Variants in TAOK3 observed in about 807,000 individuals in gnomAD.
The protein encoded by TAOK3 is TAO kinase 3, also known as serine/threonine-protein kinase TAO3.
A neutral mutation model predicts 120.4 loss-of-function variants in TAOK3; 40 were observed. The ratio of observed to expected loss-of-function variants is 0.33; its 90% CI spans 0.26 to 0.43. The LOEUF (loss-of-function observed/expected upper bound fraction) is 0.43, where lower values mean the gene tolerates loss of function less well. TAOK3 is among the 20% of genes least tolerant of loss of function. The pLI, the probability that TAOK3 is intolerant of heterozygous loss-of-function variation, is 1.00. For synonymous variants in TAOK3, 355 were observed against 387.5 expected, an observed-to-expected ratio of 0.92 and a Z score of 0.99; for missense variants, 821 against 1,112.1, an observed-to-expected ratio of 0.74 and a Z score of 3.72.
intron 17 of TAOK3, among the ~76,000 whole-genome samples, chr12:118,170,589 C>T (rs1204490309): frequency 6.6e-6 from 1 of 152,112 alleles, no homozygotes; most frequent in Non-Finnish European, 1.5e-5. Flanking sequence ...TGGTAAAACC[C>T]CCACCTCTAC....
intron 1 of TAOK3, among the ~76,000 whole-genome samples, chr12:118,329,658 A>C (rs944449873): frequency 1.3e-5 from 2 of 152,110 alleles, no homozygotes; most frequent in Admixed American, 6.6e-5. Context: ...TTTTTCTAGG[A>C]AGGTCATTCT....
intron 1 of TAOK3, among the ~76,000 whole-genome samples, chr12:118,334,518 G>C (rs1432220682): frequency 6.6e-6 from 1 of 152,168 alleles, no homozygotes; most frequent in East Asian, 1.9e-4. Context: ...ATATGAGTAA[G>C]TTCTAGAGAT....
chr12:118,210,655 A>G (rs572234833), intron 11 of TAOK3, among the ~76,000 whole-genome samples: 220 of 152,134 alleles, frequency 1.4e-3, no homozygotes, highest in Non-Finnish European at 2.7e-3. Context: ...GCACCTGTCA[A>G]TCTTGATGCT....
intron 2 of TAOK3, among the ~76,000 whole-genome samples, chr12:118,263,679 A>C (rs1282883391): frequency 1.3e-5 from 2 of 152,180 alleles, no homozygotes; most frequent in Non-Finnish European, 2.9e-5. Context: ...TTAATGGACA[A>C]AAGATTTGAA....
At chr12:118,272,913 C>A (rs1213660536) in intron 1 of TAOK3, among the ~76,000 whole-genome samples, 2 of 151,784 alleles carry the variant, frequency 1.3e-5, no homozygotes, top group African/African-American at 4.8e-5. Flanking sequence ...GAAGCTGAGG[C>A]TATAGTGAGC....
At chr12:118,159,185 G>A (rs982770120) in intron 19 of TAOK3, among the ~76,000 whole-genome samples, 1 of 152,084 alleles carries the variant, frequency 6.6e-6, no homozygotes, top group African/African-American at 2.4e-5. Flanking sequence ...CAGTTTCAAG[G>A]AATCGGTTTA....
At chr12:118,151,285 G>GCACA (rs1555282496) in intron 20 of TAOK3, 127 bp from the exon 21 acceptor site, 10 of 612,520 alleles carry the variant, frequency 1.6e-5, no homozygotes, top group Middle Eastern at 4.2e-4. Flanking sequence ...AAGTGCGCGC[G>GCACA]CGCGCACACA....
chr12:118,317,447 T>C (rs1432433548), intron 1 of TAOK3, among the ~76,000 whole-genome samples: 2 of 151,726 alleles, frequency 1.3e-5, no homozygotes, highest in Non-Finnish European at 2.9e-5. Flanking sequence ...TACAGGCGCC[T>C]GCCACCACGC....
At chr12:118,250,306 A>G (rs868644905) in intron 3 of TAOK3, among the ~76,000 whole-genome samples, 6 of 152,158 alleles carry the variant, frequency 3.9e-5, no homozygotes, top group Admixed American at 1.3e-4. Flanking sequence ...AAACACACAG[A>G]AATACTTCAT....
intron 1 of TAOK3, among the ~76,000 whole-genome samples, chr12:118,351,455 T>C (rs570871147): frequency 6.6e-5 from 10 of 152,358 alleles, no homozygotes; most frequent in Admixed American, 4.6e-4. Context: ...GAGTATGGTG[T>C]TACTGGCTGC....
chr12:118,195,102 A>G (rs377359567), intron 13 of TAOK3, among the ~76,000 whole-genome samples: 2 of 152,102 alleles, frequency 1.3e-5, no homozygotes, highest in East Asian at 3.9e-4. Context: ...GTTTTATAGA[A>G]TGAAGTGTTG....
chr12:118,301,258 C>G (rs2042870738), intron 1 of TAOK3, among the ~76,000 whole-genome samples: 1 of 152,066 alleles, frequency 6.6e-6, no homozygotes, highest in South Asian at 2.1e-4. Context: ...CACTGTCAAG[C>G]AAAGCTCCAT....
At chr12:118,355,175 C>T (rs1386774548) in intron 1 of TAOK3, among the ~76,000 whole-genome samples, 2 of 152,118 alleles carry the variant, frequency 1.3e-5, no homozygotes, top group Admixed American at 6.6e-5. Context: ...GAAAGCAAGA[C>T]AGGATAAGAG....
At chr12:118,230,781 T>G (rs1320111909) in intron 9 of TAOK3, among the ~76,000 whole-genome samples, 2 of 152,128 alleles carry the variant, frequency 1.3e-5, no homozygotes, top group African/African-American at 4.8e-5. Context: ...CCTTGTGAAC[T>G]TTTACGTAGT....
intron 9 of TAOK3, among the ~76,000 whole-genome samples, chr12:118,225,810 C>T (rs1406043076): frequency 2.0e-5 from 3 of 152,186 alleles, no homozygotes; most frequent in South Asian, 4.1e-4. Flanking sequence ...TGTTCATATA[C>T]ATTGATTAAT....
intron 11 of TAOK3, among the ~76,000 whole-genome samples, chr12:118,208,424 G>A (rs2038447334): frequency 6.6e-6 from 1 of 151,210 alleles, no homozygotes; most frequent in Non-Finnish European, 1.5e-5. Flanking sequence ...AGAGAAATAG[G>A]AAAAAAAAAA....
At chr12:118,357,172 A>T (rs1336228235) in intron 1 of TAOK3, among the ~76,000 whole-genome samples, 1 of 152,158 alleles carries the variant, frequency 6.6e-6, no homozygotes, top group Non-Finnish European at 1.5e-5. Context: ...TCCTTCACAA[A>T]GCTTCCTTTT....
At chr12:118,337,198 C>G (rs758656375) in intron 1 of TAOK3, among the ~76,000 whole-genome samples, 1 of 152,092 alleles carries the variant, frequency 6.6e-6, no homozygotes, top group Non-Finnish European at 1.5e-5. Flanking sequence ...TAAATTAAAG[C>G]CACGAGAAAA....
chr12:118,224,739 G>T (rs1274393660), intron 9 of TAOK3, among the ~76,000 whole-genome samples: 3 of 152,140 alleles, frequency 2.0e-5, no homozygotes, highest in Non-Finnish European at 4.4e-5. Flanking sequence ...CTTTAGGAAA[G>T]AAGGACAGTG....
Sources: gnomAD v4.1 joint callset for allele counts (sites outside exome capture counted in the v4.1 genomes callset) on GRCh38, gnomAD v4.1.1 for gene constraint, MANE v1.5 for transcripts, NCBI Gene and HGNC (gene_info 2026-07-23, HGNC 2026-07-21) for gene names.